The following LGR5 variants were observed in gnomAD, a reference collection of about 807,000 sequenced individuals.
The protein encoded by LGR5 is leucine rich repeat containing G protein-coupled receptor 5.
Under a neutral mutation model 76.7 loss-of-function variants are expected in LGR5, and 54 were observed. That is an observed-to-expected ratio of 0.70 (90% CI 0.57 to 0.88). LGR5 has a LOEUF of 0.88. LGR5 is among the 40% of genes least tolerant of loss of function. The probability of loss-of-function intolerance (pLI) is 0.00; values close to 1 mark genes in which losing one functional copy is unlikely to be tolerated. For synonymous variants in LGR5, 406 were observed against 421.9 expected (o/e 0.96, Z 0.46); for missense variants, 1,078 against 1,073.3 (o/e 1.00, Z -0.06).
intron 4 of LGR5, among the ~76,000 whole-genome samples, chr12:71,549,759 G>A (rs963425971): frequency 9.9e-5 from 15 of 152,196 alleles, no homozygotes; most frequent in African/African-American, 3.4e-4. Context: ...CTGTTTAGTA[G>A]AGAGATGTGT....
At chr12:71,552,201 T>C (rs1877518938) in intron 4 of LGR5, among the ~76,000 whole-genome samples, 1 of 152,078 alleles carries the variant, frequency 6.6e-6, no homozygotes, top group South Asian at 2.1e-4. Flanking sequence ...TGTATACCTA[T>C]GTAACAAACC....
chr12:71,517,919 C>T (rs1467874040), intron 2 of LGR5, among the ~76,000 whole-genome samples: 1 of 152,154 alleles, frequency 6.6e-6, no homozygotes, highest in Non-Finnish European at 1.5e-5. Context: ...CATTCCACCT[C>T]GACCCTAGTG....
In LGR5 at chr12:71,566,699, CTG is replaced by C; in HGVS notation, c.998+1_998+2del. On this transcript the variant is annotated splice_donor_variant and coding_sequence_variant, in exon 10 of 18. Transcript: ENST00000266674. LOFTEE classifies it high-confidence loss of function. ...AACTGGAACTGCAAACCTGGAGAGT[CTG>C]TAAGTACTGAGTAGACTCTTGACTT... 1.9e-6 allele frequency: 3 copies of C among 1,611,510 alleles called. No individual in the cohort carries two copies. The highest frequency in any genetic ancestry group is 2.5e-6 in the Non-Finnish European group (3 of 1,177,734).
Position 71,507,991 on chromosome 12 carries a change from C to T in LGR5, c.284+3306C>T, listed in dbSNP as rs187381035. On this transcript the variant is annotated intron_variant, in intron 2 of 17. Transcript: ENST00000266674. The stretch of plus-strand genomic sequence containing the variant: ...ATCCCAGCACTTTCGGAGGCCAAGG[C>T]GGGCAGATCACGAGTTCAGGAGATC... Among the ~76,000 whole-genome samples, 8 of 150,550 alleles carry T rather than the reference C, an allele frequency of 5.3e-5. No homozygotes were observed. The East Asian group carries it at 9.9e-4, about 19-fold the overall frequency.
intron 11 of LGR5, among the ~76,000 whole-genome samples, chr12:71,567,544 A>G (rs1374722544): frequency 6.6e-6 from 1 of 152,128 alleles, no homozygotes; most frequent in East Asian, 1.9e-4. Context: ...TGTCCTCTCA[A>G]GCATGTTGGG....
At chr12:71,520,139 G>A (rs1336857799) in intron 2 of LGR5, among the ~76,000 whole-genome samples, 2 of 151,778 alleles carry the variant, frequency 1.3e-5, no homozygotes, top group African/African-American at 4.8e-5. Flanking sequence ...GCCAAAAGAT[G>A]GAAAAACACA....
chr12:71,547,611 T>C (rs1877250298), intron 4 of LGR5, among the ~76,000 whole-genome samples: 1 of 152,220 alleles, frequency 6.6e-6, no homozygotes, highest in Non-Finnish European at 1.5e-5. Context: ...TTCTGCCTTA[T>C]ACATGTGAAC....
chr12:71,478,229 C>T (rs1873426885), intron 1 of LGR5, among the ~76,000 whole-genome samples: 1 of 152,180 alleles, frequency 6.6e-6, no homozygotes, highest in African/African-American at 2.4e-5. Flanking sequence ...ATTATACCTT[C>T]AGTTTTTGAA....
intron 2 of LGR5, among the ~76,000 whole-genome samples, chr12:71,510,769 C>T (rs35497002): frequency 0.092 from 14,041 of 151,862 alleles, 691 homozygotes; most frequent in Non-Finnish European, 0.11. Context: ...GGAGGGAAGG[C>T]CTAAGAAGGT....
chr12:71,487,650 C>A (rs984424224), intron 1 of LGR5, among the ~76,000 whole-genome samples: 1 of 152,162 alleles, frequency 6.6e-6, no homozygotes, highest in Middle Eastern at 3.2e-3. Context: ...TGGCCTCAAG[C>A]GATCCTCCCA....
chr12:71,466,518 G>A (rs1565664477), intron 1 of LGR5, among the ~76,000 whole-genome samples: 1 of 152,188 alleles, frequency 6.6e-6, no homozygotes, highest in East Asian at 1.9e-4. Flanking sequence ...AAAAGTAAAT[G>A]TAGCAGATTA....
At chr12:71,570,279 C>T (rs949233936) in intron 11 of LGR5, among the ~76,000 whole-genome samples, 18 of 152,092 alleles carry the variant, frequency 1.2e-4, no homozygotes, top group Non-Finnish European at 7.4e-5. Context: ...ACGTAACAAA[C>T]CTGTACATTC....
At chr12:71,510,069 G>A (rs935435362) in intron 2 of LGR5, among the ~76,000 whole-genome samples, 1 of 152,100 alleles carries the variant, frequency 6.6e-6, no homozygotes, top group Admixed American at 6.5e-5. Flanking sequence ...TTTTCTTCCT[G>A]AGGATCAAAT....
intron 12 of LGR5, among the ~76,000 whole-genome samples, chr12:71,572,382 A>G (rs1297812682): frequency 6.6e-6 from 1 of 152,180 alleles, no homozygotes; most frequent in Non-Finnish European, 1.5e-5. Context: ...GCGCCCGGCC[A>G]AACTTGTTGT....
intron 1 of LGR5, among the ~76,000 whole-genome samples, chr12:71,481,791 A>T (rs1348014942): frequency 6.6e-6 from 1 of 152,128 alleles, no homozygotes; most frequent in Non-Finnish European, 1.5e-5. Context: ...TCATTATTTT[A>T]ATTAAAACTT....
At chr12:71,481,142 G>A (rs1302930894) in intron 1 of LGR5, among the ~76,000 whole-genome samples, 1 of 152,072 alleles carries the variant, frequency 6.6e-6, no homozygotes, top group Non-Finnish European at 1.5e-5. Context: ...TGCAGGTTAC[G>A]TAGGTATACA....
chr12:71,486,765 T>C (rs1873845669), intron 1 of LGR5, among the ~76,000 whole-genome samples: 1 of 152,168 alleles, frequency 6.6e-6, no homozygotes, highest in African/African-American at 2.4e-5. Flanking sequence ...TCATTAAAAC[T>C]TCTTTAAAAA....
intron 1 of LGR5, among the ~76,000 whole-genome samples, chr12:71,460,531 T>A (rs1201250619): frequency 1.3e-5 from 2 of 152,164 alleles, no homozygotes; most frequent in Admixed American, 1.3e-4. Context: ...TTCTACTATC[T>A]GTTATATCTT....
intron 1 of LGR5, among the ~76,000 whole-genome samples, chr12:71,452,276 A>G (rs1872281146): frequency 6.6e-6 from 1 of 152,190 alleles, no homozygotes; most frequent in Non-Finnish European, 1.5e-5. Context: ...TCACACCTGA[A>G]TAATATTAAC....
Sources: gnomAD v4.1 joint callset for allele counts (sites outside exome capture counted in the v4.1 genomes callset) on GRCh38, gnomAD v4.1.1 for gene constraint, MANE v1.5 for transcripts, NCBI Gene and HGNC (gene_info 2026-07-23, HGNC 2026-07-21) for gene names.